Variants in AKAP9 observed in about 807,000 individuals in gnomAD.
AKAP9 encodes the protein A-kinase anchoring protein 9.
Under a neutral mutation model 488.5 loss-of-function variants are expected in AKAP9, and 311 were observed. The observed-to-expected ratio is 0.64, with a 90% CI of 0.58 to 0.70. The LOEUF (loss-of-function observed/expected upper bound fraction) is 0.70. Among genes scored for constraint, AKAP9 ranks in the 30% least tolerant of loss-of-function variants. The pLI is 0.00. For missense variants in AKAP9, 4,215 were observed against 4,374.5 expected (o/e 0.96, Z 1.03); for synonymous variants, 1,462 against 1,483.5 (o/e 0.99, Z 0.33).
intron 21 of AKAP9, among the ~76,000 whole-genome samples, chr7:92,049,629 A>AAAAT (rs1009864298): frequency 3.3e-5 from 5 of 152,120 alleles, no homozygotes; most frequent in South Asian, 2.1e-4. Context: ...TAATAATAAT[A>AAAAT]AAATAAATAA....
chr7:92,042,595 A>G, intron 19 of AKAP9, 73 bp from the exon 20 acceptor site: 1 of 1,055,018 alleles, frequency 9.5e-7, no homozygotes, highest in Non-Finnish European at 1.5e-6. Flanking sequence ...ATATAGAAGA[A>G]TGACATGCTG....
At chr7:91,961,182 C>T (rs187689470) in intron 1 of AKAP9, among the ~76,000 whole-genome samples, 29 of 150,334 alleles carry the variant, frequency 1.9e-4, no homozygotes, top group Admixed American at 1.4e-3. Flanking sequence ...TTTTTTGAGA[C>T]GGAGTCTCAC....
intron 1 of AKAP9, among the ~76,000 whole-genome samples, chr7:91,949,850 A>T (rs1228079922): frequency 1.3e-5 from 2 of 152,100 alleles, no homozygotes; most frequent in Non-Finnish European, 2.9e-5. Flanking sequence ...CTAACAATGT[A>T]GTGTTTGTTT....
chr7:91,984,372 T>C (rs1307423007), intron 3 of AKAP9, among the ~76,000 whole-genome samples: 1 of 152,212 alleles, frequency 6.6e-6, no homozygotes, highest in Non-Finnish European at 1.5e-5. Flanking sequence ...CCCAGCGCCA[T>C]GTATTAAATA....
intron 21 of AKAP9, among the ~76,000 whole-genome samples, chr7:92,047,443 T>C (rs1807193575): frequency 6.6e-6 from 1 of 152,310 alleles, no homozygotes; most frequent in Admixed American, 6.5e-5. Context: ...GGTTTCGAAC[T>C]CCTGACCTCA....
chr7:92,085,112 G>A (rs937863605), intron 35 of AKAP9, among the ~76,000 whole-genome samples, 172 bp downstream of exon 35: 2 of 152,150 alleles, frequency 1.3e-5, no homozygotes, highest in Non-Finnish European at 2.9e-5. Context: ...TAAAGTAAGA[G>A]ATTAATGATA....
chr7:92,005,949 G>A (rs771519133), intron 8 of AKAP9, among the ~76,000 whole-genome samples: 12 of 151,984 alleles, frequency 7.9e-5, no homozygotes, highest in African/African-American at 1.2e-4. Context: ...GATTACAGGC[G>A]TGAGCCACCA....
At chr7:92,030,345 T>C (rs1804008623) in intron 15 of AKAP9, among the ~76,000 whole-genome samples, 2 of 152,126 alleles carry the variant, frequency 1.3e-5, no homozygotes, top group South Asian at 4.1e-4. Flanking sequence ...AGGCCATCTC[T>C]AGAAAAGTGT....
At chr7:92,005,241 T>C (rs1341871310) in intron 8 of AKAP9, among the ~76,000 whole-genome samples, 1 of 152,208 alleles carries the variant, frequency 6.6e-6, no homozygotes, top group Non-Finnish European at 1.5e-5. Flanking sequence ...TGAGGATTTT[T>C]GCATCGATGT....
rs7784589 is a variant in AKAP9 at position 92,011,082 on chromosome 7, A to G, written c.3319-1347A>G. 2.4e-3 allele frequency among the ~76,000 whole-genome samples: 373 copies of G among 152,352 alleles called. 1 individual carries two copies. Among genetic ancestry groups the G allele is most frequent in the African/African-American group, 8.4e-3 (349 of 41,590 alleles). On this transcript the variant is annotated intron_variant, in intron 8 of 49. Coordinates refer to ENST00000356239, the MANE Select transcript of AKAP9 (RefSeq NM_005751.5). ...CCGCAGTAATTGTTTTCATTAAAACATTTAGCAGATAACATTTCTAATAGT... is the reference window on the plus strand; with the variant it reads ...CCGCAGTAATTGTTTTCATTAAAACGTTTAGCAGATAACATTTCTAATAGT...
At chr7:92,000,384 C>T (rs1730284045) in intron 7 of AKAP9, among the ~76,000 whole-genome samples, 1 of 152,140 alleles carries the variant, frequency 6.6e-6, no homozygotes, top group Non-Finnish European at 1.5e-5. Context: ...TTTTCCATAG[C>T]CCTTGCCCAT....
At position 92,101,020 on chromosome 7, in the gene AKAP9, A is replaced by C. The variant is rs1283297655; in HGVS notation, c.11061A>C (p.Gln3687His). Reference sequence around the variant, plus strand: ...AACTAAGAAATGACTCTTTACTTCAAACTCTGAGCCCTGATTCTGAACATG... The same window carrying C: ...AACTAAGAAATGACTCTTTACTTCACACTCTGAGCCCTGATTCTGAACATG... Reference protein sequence around the residue: ...KAELRNDSLLQTLSPDSEHVT... With the variant: ...KAELRNDSLLHTLSPDSEHVT... Residue 3687 changes from glutamine to histidine, a missense_variant, in exon 45 of 50, where the codon CAA (glutamine) becomes CAC (histidine). This residue lies in a region of AKAP9 where 253 missense variants were observed against 266.8 expected (regional missense o/e 0.95). Transcript: ENST00000356239. The C allele has an allele frequency of 1.9e-6, 3 of 1,613,974 alleles. No homozygotes were observed. Among genetic ancestry groups the C allele is most frequent in the African/African-American group, 1.3e-5 (1 of 74,922 alleles).
At chr7:91,979,223 G>T (rs1209114336) in intron 2 of AKAP9, among the ~76,000 whole-genome samples, 1 of 152,142 alleles carries the variant, frequency 6.6e-6, no homozygotes, top group African/African-American at 2.4e-5. Flanking sequence ...TAAAGAAAAA[G>T]AGGTTTAATG....
intron 3 of AKAP9, among the ~76,000 whole-genome samples, chr7:91,988,526 T>G (rs1240150985): frequency 6.6e-6 from 1 of 152,164 alleles, no homozygotes. Flanking sequence ...ATAACTTCAC[T>G]GCAATGCCAT....
intron 7 of AKAP9, among the ~76,000 whole-genome samples, chr7:91,996,883 A>G (rs1242500591): frequency 1.3e-5 from 2 of 152,326 alleles, no homozygotes; most frequent in East Asian, 3.9e-4. Flanking sequence ...GCAGTATTCA[A>G]AGCATCTTAT....
At chr7:92,022,167 G>A in intron 12 of AKAP9, 71 bp from the exon 13 acceptor site, 1 of 1,203,606 alleles carries the variant, frequency 8.3e-7, no homozygotes, top group Non-Finnish European at 1.2e-6. Flanking sequence ...ATGCAGAGTT[G>A]CTTTAATACA....
rs553642304 is a variant in AKAP9 at position 91,951,449 on chromosome 7, C to T, written c.48+10302C>T. 1.5e-4 allele frequency among the ~76,000 whole-genome samples: 23 copies of T among 152,172 alleles called. No individual in the cohort carries two copies. The South Asian group carries it at 4.4e-3, about 29-fold the overall frequency. On this transcript the variant is annotated intron_variant, in intron 1 of 49. Transcript: ENST00000356239. Reference sequence around the variant, plus strand: ...AATTGATCCTCTCACTTCAGGCTCCCGAGTAGCTGGGGCTGCGGGGGCTCA... The same window carrying T: ...AATTGATCCTCTCACTTCAGGCTCCTGAGTAGCTGGGGCTGCGGGGGCTCA...
At chr7:92,106,631 T>C (rs567632135) in intron 47 of AKAP9, among the ~76,000 whole-genome samples, 2 of 152,338 alleles carry the variant, frequency 1.3e-5, no homozygotes, top group East Asian at 3.9e-4. Flanking sequence ...TCCTTCTGTC[T>C]ACACCTAGAA....
In AKAP9 at chr7:92,086,232, A is replaced by G. The variant is rs778579809; in HGVS notation, c.9029A>G (p.Tyr3010Cys). Reference sequence around the variant, plus strand: ...TCGTTATATGTACTTTGCTAGGTTTATGATAGTTCTCAATCTCATGAGAGC... The same window carrying G: ...TCGTTATATGTACTTTGCTAGGTTTGTGATAGTTCTCAATCTCATGAGAGC... ...KMQLQREAEVYDSSQSHESFS... is the reference protein window; with the variant it reads ...KMQLQREAEVCDSSQSHESFS... Residue 3010 changes from tyrosine (Y) to cysteine (C), a missense_variant, in exon 37 of 50, where the codon TAT becomes TGT. Coordinates refer to ENST00000356239, the MANE Select transcript of AKAP9 (RefSeq NM_005751.5). 6.2e-7 allele frequency: 1 copy of G among 1,613,738 alleles called. No homozygotes were observed. The highest frequency in any genetic ancestry group is 2.2e-5 in the East Asian group (1 of 44,884).
Sources: allele counts gnomAD v4.1 joint callset (sites outside exome capture counted in the v4.1 genomes callset), GRCh38; gene constraint gnomAD v4.1.1; regional missense constraint gnomAD v4.1.1; transcripts MANE v1.5; gene names NCBI Gene and HGNC (gene_info 2026-07-23, HGNC 2026-07-21).